Variants in LRSAM1 observed in about 807,000 individuals in gnomAD.
LRSAM1 encodes the protein E3 ubiquitin-protein ligase LRSAM1.
Under a neutral mutation model 118.1 loss-of-function variants are expected in LRSAM1, and 96 were observed. The ratio of observed to expected loss-of-function variants is 0.81; its 90% confidence interval spans 0.69 to 0.96. LRSAM1 has a LOEUF of 0.96. Ranked by LOEUF, LRSAM1 falls within the 40% of genes least tolerant of loss-of-function variation. The pLI is 0.00. For missense variants in LRSAM1, 804 were observed against 915.5 expected (o/e 0.88, Z 1.57); for synonymous variants, 322 against 364.2 (o/e 0.88, Z 1.32).
chr9:127,502,401 G>C (rs1295025589), intron 25 of LRSAM1, among the ~76,000 whole-genome samples: 1 of 152,032 alleles, frequency 6.6e-6, no homozygotes, highest in Non-Finnish European at 1.5e-5. Context: ...GAATAATGAA[G>C]GGGGCCGGCA....
chr9:127,469,884 G>A (rs1207303991), intron 10 of LRSAM1, among the ~76,000 whole-genome samples: 2 of 152,082 alleles, frequency 1.3e-5, no homozygotes, highest in African/African-American at 4.8e-5. Flanking sequence ...AGAATGGCGT[G>A]AACCCGGGAG....
At chr9:127,452,970 C>T (rs2491101) in intron 2 of LRSAM1, among the ~76,000 whole-genome samples, 65,739 of 152,144 alleles carry the variant, frequency 0.43, 15,046 homozygotes, top group Non-Finnish European at 0.5. Flanking sequence ...ACCAAGCAGT[C>T]GGGCAAATCC....
chr9:127,486,381 C>T (rs1049622938), intron 17 of LRSAM1: 1 of 164,120 alleles, frequency 6.1e-6, no homozygotes, highest in African/African-American at 2.4e-5. Context: ...CCTGTGCTCA[C>T]TGGGCACTGT....
intron 10 of LRSAM1, among the ~76,000 whole-genome samples, chr9:127,469,836 G>A (rs550807542): frequency 9.2e-5 from 14 of 152,196 alleles, no homozygotes; most frequent in African/African-American, 3.4e-4. Flanking sequence ...GTGGTGGCGG[G>A]CGCCTGTAGT....
chr9:127,459,342 C>T (rs904298561), intron 7 of LRSAM1, among the ~76,000 whole-genome samples: 2 of 151,742 alleles, frequency 1.3e-5, no homozygotes, highest in African/African-American at 4.8e-5. Flanking sequence ...CCTCAGCCTC[C>T]CTAGTAGCTG....
rs771081300 is a variant in LRSAM1, at chr9:127,492,851, T to G, written c.1553T>G (p.Leu518Arg). ...GCCCTCAGCTCCCTGCTCCAGCAGC[T>G]GCTCAAAGAGAAGCAGCAGCGAGAG... ...RWALSSLLQQ[L>R]LKEKQQREEE... Residue 518 changes from leucine to arginine, a missense_variant, in exon 21 of 26, where the codon CTG (leucine) becomes CGG (arginine). Transcript: ENST00000300417. 4 of 1,614,082 alleles carry G rather than the reference T, an allele frequency of 2.5e-6. No homozygotes were observed. The Admixed American group carries it at 6.7e-5, about 27-fold the overall frequency.
rs1442123730 is a variant in LRSAM1 at position 127,492,871 on chromosome 9, C to T, written c.1573C>T (p.Arg525Ter). The T allele has an allele frequency of 1.9e-6, 3 of 1,613,996 alleles. No individual in the cohort carries two copies. The highest frequency in any genetic ancestry group is 1.3e-5 in the African/African-American group (1 of 75,060). The change falls in exon 21 of 26, where the codon CGA (arginine) becomes TGA (stop). Residue 525 changes from arginine to a stop codon, truncating the protein, a stop_gained. Transcript: ENST00000300417. LOFTEE classifies it high-confidence loss of function. ...LQQLLKEKQQ[R>*]EEELREILTE... The stretch of plus-strand genomic sequence containing the variant: ...GCAGCTGCTCAAAGAGAAGCAGCAG[C>T]GAGAGGAAGAGCTCCGGGAAATCCT...
chr9:127,501,265 A>G, intron 25 of LRSAM1, 122 bp downstream of exon 25: 1 of 1,286,242 alleles, frequency 7.8e-7, no homozygotes, highest in East Asian at 2.5e-5. Context: ...GTGCTCATCT[A>G]GAAAGAAGGC....
At chr9:127,454,467 C>T (rs1463775445) in intron 2 of LRSAM1, 29 bp from the exon 3 acceptor site, 1 of 1,577,274 alleles carries the variant, frequency 6.3e-7, no homozygotes. Flanking sequence ...ACAAATTCCC[C>T]AGTCCCTAAC....
chr9:127,471,544 T>C (rs1307859123), intron 10 of LRSAM1, among the ~76,000 whole-genome samples: 1 of 148,872 alleles, frequency 6.7e-6, no homozygotes, highest in African/African-American at 2.5e-5. Flanking sequence ...CCCAGCACTT[T>C]AGGAGGTCGA....
chr9:127,461,150 G>A, intron 7 of LRSAM1, 23 bp from the exon 8 acceptor site: 2 of 1,599,632 alleles, frequency 1.3e-6, no homozygotes, highest in Non-Finnish European at 1.7e-6. Context: ...CACTGCGCCT[G>A]GCTGCCTCTT....
chr9:127,503,073 G>C lies in LRSAM1; in HGVS notation c.*174G>C. On this transcript the variant is annotated 3_prime_UTR_variant, in exon 26 of 26. Transcript: ENST00000300417. ...GCTCCAAGCATGTCTGGGCCAGGCA[G>C]AGGTGCTCCTCATCCATGACACCAC... is the stretch of plus-strand genomic sequence containing the variant. 1 of 833,192 alleles carries C rather than the reference G, an allele frequency of 1.2e-6. No individual in the cohort carries two copies. Among genetic ancestry groups the C allele is most frequent in the African/African-American group, 1.7e-5 (1 of 59,204 alleles). The allele number at this position is 833,192 out of a possible 1,614,324, so 51.6% of individuals were successfully genotyped here. A position where few individuals can be genotyped will look rare whatever the true frequency, so the allele number is the denominator to read the frequency against.
At chr9:127,463,155 C>T (rs961325433) in intron 9 of LRSAM1, among the ~76,000 whole-genome samples, 4 of 146,934 alleles carry the variant, frequency 2.7e-5, no homozygotes, top group African/African-American at 1.0e-4. Context: ...GCCGAGATTG[C>T]GCCATTGCAT....
At chr9:127,466,400 A>AT (rs558382961) in intron 9 of LRSAM1, among the ~76,000 whole-genome samples, 1 of 146,782 alleles carries the variant, frequency 6.8e-6, no homozygotes, top group Non-Finnish European at 1.5e-5. Context: ...TATCCCTCCA[A>AT]TTTTTTTCTA....
At chr9:127,484,085 C>T (rs952639044) in intron 16 of LRSAM1, among the ~76,000 whole-genome samples, 1 of 152,092 alleles carries the variant, frequency 6.6e-6, no homozygotes, top group African/African-American at 2.4e-5. Flanking sequence ...CTCCCCGTGC[C>T]CCCCTCCCCT....
intron 10 of LRSAM1, chr9:127,471,112 G>A (rs1021016252): frequency 6.6e-6 from 1 of 151,970 alleles, no homozygotes; most frequent in Admixed American, 6.6e-5. Flanking sequence ...TAGAGTCTTC[G>A]AGCAACAGGT....
At chr9:127,482,666 T>C (rs1835584156) in intron 15 of LRSAM1, among the ~76,000 whole-genome samples, 1 of 152,236 alleles carries the variant, frequency 6.6e-6, no homozygotes, top group Non-Finnish European at 1.5e-5. Flanking sequence ...TTAAGCATCT[T>C]TCCAGATGTT....
intron 25 of LRSAM1, 118 bp downstream of exon 25, chr9:127,501,261 A>C: frequency 7.6e-6 from 10 of 1,309,662 alleles, no homozygotes; most frequent in Non-Finnish European, 1.0e-5. Flanking sequence ...GACTGTGCTC[A>C]TCTAGAAAGA....
At chr9:127,473,769 C>T (rs754546639) in intron 10 of LRSAM1, 32 bp from the exon 11 acceptor site, 22 of 1,613,860 alleles carry the variant, frequency 1.4e-5, no homozygotes, top group African/African-American at 2.7e-5. Context: ...TGTCTCCTCC[C>T]TCCTGGTCAG....
Sources: allele counts gnomAD v4.1 joint callset (sites outside exome capture counted in the v4.1 genomes callset), GRCh38; gene constraint gnomAD v4.1.1; transcripts MANE v1.5; gene names NCBI Gene and HGNC (gene_info 2026-07-23, HGNC 2026-07-21).